The following SGCD variants were observed in gnomAD, a reference collection of about 807,000 sequenced individuals.
The protein encoded by SGCD is sarcoglycan delta.
In SGCD, 18 loss-of-function variants were observed where a neutral mutation model predicts 36.6. The ratio of observed to expected loss-of-function variants is 0.49; its 90% CI spans 0.34 to 0.73. The LOEUF is 0.73. SGCD is among the 30% of genes least tolerant of loss of function. The probability of loss-of-function intolerance (pLI) is 0.01; values close to 1 mark genes in which losing one functional copy is unlikely to be tolerated. For synonymous variants in SGCD, 133 were observed against 130.6 expected, an observed-to-expected ratio of 1.02 and a Z score of -0.12; for missense variants, 387 against 346.7, an observed-to-expected ratio of 1.12 and a Z score of -0.92.
chr5:156,650,172 C>G (rs1365977695), intron 7 of SGCD, among the ~76,000 whole-genome samples: 4 of 152,024 alleles, frequency 2.6e-5, no homozygotes, highest in Admixed American at 6.6e-5. Flanking sequence ...TATAAACAAC[C>G]CTGAAACTTA....
chr5:155,969,293 T>C (rs1271162833), intron 1 of SGCD, among the ~76,000 whole-genome samples: 1 of 152,124 alleles, frequency 6.6e-6, no homozygotes, highest in East Asian at 1.9e-4. Flanking sequence ...GTATATGAGT[T>C]CTGGTCCATG....
chr5:156,234,496 C>A (rs552913189), intron 3 of SGCD, among the ~76,000 whole-genome samples: 6 of 152,108 alleles, frequency 3.9e-5, no homozygotes, highest in African/African-American at 1.4e-4. Flanking sequence ...GCATGTGCCA[C>A]ACAGTTTAAA....
rs1197520681 is a variant in SGCD at position 156,032,927 on chromosome 5, A to G, written c.-281-84951A>G. ...TCTACACAAAAATTAAAATAAAAAC[A>G]TTAGCCAGGTATAGTGGCACACACC... On this transcript the variant is annotated intron_variant, in intron 1 of 9. Coordinates refer to the SGCD transcript ENST00000517913. Among the ~76,000 whole-genome samples the G allele has an allele frequency of 2.0e-5, 3 of 151,436 alleles. No individual in the cohort carries two copies. In the East Asian group the frequency reaches 5.9e-4, roughly 30 times the overall value.
intron 6 of SGCD, among the ~76,000 whole-genome samples, chr5:156,609,880 T>C (rs189047611): frequency 0.051 from 7,797 of 152,290 alleles, 668 homozygotes; most frequent in African/African-American, 0.18. Context: ...TCTCGTGCCA[T>C]GGTTTTCAGC....
intron 1 of SGCD, among the ~76,000 whole-genome samples, chr5:155,984,813 T>A (rs1382866850): frequency 6.6e-6 from 1 of 152,168 alleles, no homozygotes; most frequent in Non-Finnish European, 1.5e-5. Context: ...TGCCAGGTGC[T>A]CCCCCTCCGT....
intron 3 of SGCD, among the ~76,000 whole-genome samples, chr5:156,450,343 C>A (rs1753951690): frequency 6.6e-6 from 1 of 151,820 alleles, no homozygotes; most frequent in Non-Finnish European, 1.5e-5. Context: ...AAAGCCTGCC[C>A]CAGCTCACAT....
At chr5:156,501,297 A>C (rs539430265) in intron 3 of SGCD, among the ~76,000 whole-genome samples, 33 of 152,318 alleles carry the variant, frequency 2.2e-4, no homozygotes, top group Non-Finnish European at 4.0e-4. Context: ...ACCCCACTGC[A>C]GTTAGGCTAC....
intron 1 of SGCD, among the ~76,000 whole-genome samples, chr5:155,903,808 C>T (rs1413200790): frequency 6.6e-6 from 1 of 152,134 alleles, no homozygotes; most frequent in East Asian, 1.9e-4. Context: ...TAACTTAATT[C>T]AGCTTCAGTT....
In SGCD at chr5:156,479,054, G is replaced by A. The variant is rs145411023; in HGVS notation, c.193-29547G>A. ...TATACATACAAAAATTTAACATTAA[G>A]ACACTTTTAGATTAAAAAATATAAT... On this transcript the variant is annotated intron_variant, in intron 3 of 8. Transcript: ENST00000337851. 9.7e-3 allele frequency among the ~76,000 whole-genome samples: 1,475 copies of A among 152,158 alleles called. 26 individuals are homozygous for A. The highest frequency in any genetic ancestry group is 0.034 in the African/African-American group (1,399 of 41,530).
intron 8 of SGCD, among the ~76,000 whole-genome samples, chr5:156,758,749 G>T (rs1416888399): frequency 6.6e-6 from 1 of 151,428 alleles, no homozygotes; most frequent in Admixed American, 6.6e-5. Context: ...TTTTCTCAAA[G>T]TATATTCTAT....
chr5:156,296,955 C>A (rs1183410728), intron 3 of SGCD, among the ~76,000 whole-genome samples: 1 of 151,816 alleles, frequency 6.6e-6, no homozygotes, highest in African/African-American at 2.4e-5. Flanking sequence ...CACACATACA[C>A]ACACTATATA....
chr5:155,732,109 T>G, the SGCD span, among the ~76,000 whole-genome samples: 1 of 152,184 alleles, frequency 6.6e-6, no homozygotes, highest in African/African-American at 2.4e-5. Flanking sequence ...CTGGTTGACC[T>G]TGTCAGGGGC....
At chr5:156,149,083 T>C (rs1762774198) in intron 3 of SGCD, among the ~76,000 whole-genome samples, 2 of 152,156 alleles carry the variant, frequency 1.3e-5, no homozygotes, top group South Asian at 4.2e-4. Flanking sequence ...ATTTTAATAG[T>C]TAGTGGAAAC....
At chr5:156,543,901 C>G (rs253593) in intron 4 of SGCD, among the ~76,000 whole-genome samples, 101,054 of 152,056 alleles carry the variant, frequency 0.66, 34,588 homozygotes, top group African/African-American at 0.84. Context: ...AGTCCAAAGA[C>G]TGGACTGGCT....
At chr5:156,127,209 A>G (rs2127604689) in intron 3 of SGCD, among the ~76,000 whole-genome samples, 1 of 152,334 alleles carries the variant, frequency 6.6e-6, no homozygotes, top group South Asian at 2.1e-4. Flanking sequence ...TCATAAGCAA[A>G]GTTAATTACT....
chr5:156,139,473 T>G (rs1189954661), intron 3 of SGCD, among the ~76,000 whole-genome samples: 9 of 152,268 alleles, frequency 5.9e-5, no homozygotes, highest in African/African-American at 1.7e-4. Flanking sequence ...TTCTCTTACC[T>G]CCAATATTAG....
chr5:156,253,069 A>G (rs2127661844), intron 3 of SGCD, among the ~76,000 whole-genome samples: 1 of 152,314 alleles, frequency 6.6e-6, no homozygotes, highest in Admixed American at 6.5e-5. Flanking sequence ...TTTAATTTTT[A>G]AAAATGTGTG....
chr5:156,441,938 T>A lies in SGCD; in HGVS notation c.193-66663T>A, dbSNP rs181320212. On this transcript the variant is annotated intron_variant, in intron 3 of 8. Coordinates refer to ENST00000337851, the MANE Select transcript of SGCD (RefSeq NM_000337.6). ...GACTGTGACTGTGCACTCACTGTCATCAGGGCACTTTTCTAACTGTGAAGT... is the reference window on the plus strand; with the variant it reads ...GACTGTGACTGTGCACTCACTGTCAACAGGGCACTTTTCTAACTGTGAAGT... Among the ~76,000 whole-genome samples, 12 of 152,278 alleles carry A rather than the reference T, an allele frequency of 7.9e-5. No homozygotes were observed. In the East Asian group the frequency reaches 2.1e-3, roughly 27 times the overall value.
chr5:156,588,325 T>A (rs1760579687), intron 4 of SGCD, among the ~76,000 whole-genome samples: 1 of 152,042 alleles, frequency 6.6e-6, no homozygotes, highest in Non-Finnish European at 1.5e-5. Context: ...TATATTAAAT[T>A]TTAAATATAA....
Sources: gnomAD v4.1 joint callset for allele counts (sites outside exome capture counted in the v4.1 genomes callset) on GRCh38, gnomAD v4.1.1 for gene constraint, MANE v1.5 for transcripts, NCBI Gene and HGNC (gene_info 2026-07-23, HGNC 2026-07-21) for gene names.